Variants in DENND5B observed in about 807,000 individuals in gnomAD.
DENND5B encodes the protein DENN domain containing 5B.
Under a neutral mutation model 140.6 loss-of-function variants are expected in DENND5B, and 34 were observed. That is an observed-to-expected ratio of 0.24 (90% CI 0.18 to 0.32). The LOEUF is 0.32. Ranked by LOEUF, DENND5B falls within the 10% of genes least tolerant of loss-of-function variation. The pLI, the probability that DENND5B is intolerant of heterozygous loss-of-function variation, is 1.00. For synonymous variants in DENND5B, 551 were observed against 562.1 expected, an observed-to-expected ratio of 0.98 and a Z score of 0.28; for missense variants, 1,142 against 1,560.2, an observed-to-expected ratio of 0.73 and a Z score of 4.52.
At position 31,452,120 on chromosome 12, in the gene DENND5B, A is replaced by G; in HGVS notation, c.1449T>C (p.Asp483=). Residue 483 remains aspartate, a synonymous_variant, in exon 5 of 21, where the codon GAT becomes GAC. Coordinates refer to ENST00000389082, the MANE Select transcript of DENND5B (RefSeq NM_144973.4). ...LSASLGEKDK[D]LKLHCEEAEL... is the part of the protein sequence containing the mutation. ...CTGCCTCTTCACAATGCAGTTTTAA[A>G]TCCTTGTCTTTTTCACCCAGAGAAG... 1 of 1,613,902 alleles carries G rather than the reference A, an allele frequency of 6.2e-7. No homozygotes were observed. Among genetic ancestry groups the G allele is most frequent in the Non-Finnish European group, 8.5e-7 (1 of 1,179,872 alleles).
Position 31,399,771 on chromosome 12 carries a change from C to A in DENND5B, c.2951G>T (p.Cys984Phe), listed in dbSNP as rs1402265453. ...PKNLLEMTFE[C>F]QNLGKLTTVQ... ...AGTGGTCAGCTTCCCCAAGTTCTGG[C>A]ACTGTAGGGACAGGACCTTAGGTTA... The change falls in exon 16 of 21, where the codon TGC (cysteine) becomes TTC (phenylalanine). Residue 984 changes from cysteine to phenylalanine, a missense_variant and splice_region_variant. Cys to Phe is a radical substitution (Grantham distance 205). Around this residue, in one of 5 missense-constraint regions of DENND5B, gnomAD observed 268 missense variants for 349.2 expected, o/e 0.77. Coordinates refer to ENST00000389082, the MANE Select transcript of DENND5B (RefSeq NM_144973.4). 1.9e-6 allele frequency: 3 copies of A among 1,612,948 alleles called. No homozygotes were observed. Among genetic ancestry groups the A allele is most frequent in the Non-Finnish European group, 2.5e-6 (3 of 1,179,232 alleles).
At chr12:31,402,296 G>T (rs944732234) in intron 15 of DENND5B, among the ~76,000 whole-genome samples, 2 of 152,098 alleles carry the variant, frequency 1.3e-5, no homozygotes, top group Non-Finnish European at 2.9e-5. Flanking sequence ...GTGAAAAATA[G>T]AGCTTAACAA....
intron 17 of DENND5B, chr12:31,396,578 G>A (rs960896776): frequency 4.6e-5 from 7 of 152,490 alleles, no homozygotes; most frequent in African/African-American, 1.4e-4. Context: ...ATTGTAAGTG[G>A]AAAATGCAAT....
chr12:31,562,889 T>C (rs1949522241), intron 1 of DENND5B, among the ~76,000 whole-genome samples: 1 of 151,796 alleles, frequency 6.6e-6, no homozygotes, highest in Non-Finnish European at 1.5e-5. Flanking sequence ...AAAATGAAAC[T>C]ATTTAAGTAT....
intron 9 of DENND5B, 128 bp from the exon 10 acceptor site, chr12:31,424,815 G>A: frequency 8.2e-7 from 1 of 1,226,210 alleles, no homozygotes. Flanking sequence ...AATCACCTTG[G>A]GAAAAAAATC....
chr12:31,562,897 T>A (rs193065307), intron 1 of DENND5B, among the ~76,000 whole-genome samples: 236 of 151,156 alleles, frequency 1.6e-3, no homozygotes, highest in African/African-American at 5.4e-3. Context: ...ACTATTTAAG[T>A]ATTCATCTAT....
At chr12:31,562,612 C>T (rs1028926352) in intron 1 of DENND5B, among the ~76,000 whole-genome samples, 1 of 150,554 alleles carries the variant, frequency 6.6e-6, no homozygotes, top group Non-Finnish European at 1.5e-5. Context: ...GAAACTCTGT[C>T]TTTAAAAAAA....
intron 14 of DENND5B, among the ~76,000 whole-genome samples, chr12:31,405,367 C>T (rs912248073): frequency 7.2e-5 from 11 of 151,980 alleles, no homozygotes; most frequent in Admixed American, 7.2e-4. Context: ...GAGGTGTGCA[C>T]CACTACGCCC....
chr12:31,439,160 A>G lies in DENND5B; in HGVS notation c.2012+3615T>C, dbSNP rs188906544. ...CAATGATAATCACAATTGCTGAAAT[A>G]CTAAAGACTGCTTATTTTGTTCTGT... On this transcript the variant is annotated intron_variant, in intron 7 of 20. Coordinates refer to ENST00000389082, the MANE Select transcript of DENND5B (RefSeq NM_144973.4). 2.5e-3 allele frequency among the ~76,000 whole-genome samples: 377 copies of G among 152,372 alleles called. 4 individuals are homozygous for G. The highest frequency in any genetic ancestry group is 3.3e-3 in the Non-Finnish European group (226 of 68,042).
chr12:31,468,118 G>A lies in DENND5B; in HGVS notation c.905-7737C>T, dbSNP rs562395345. On this transcript the variant is annotated intron_variant, in intron 3 of 20. Transcript: ENST00000389082. Reference sequence around the variant, plus strand: ...AAAATTTAAAAATTGGCCAGGTGTGGTGGCATGCACCTGTAGTCCCAGCTA... The same window carrying A: ...AAAATTTAAAAATTGGCCAGGTGTGATGGCATGCACCTGTAGTCCCAGCTA... Among the ~76,000 whole-genome samples the A allele has an allele frequency of 5.3e-5, 8 of 152,204 alleles. No individual in the cohort carries two copies. The East Asian group carries it at 1.2e-3, about 22-fold the overall frequency.
In DENND5B at chr12:31,423,538, A is replaced by G. The variant is rs1593127305; in HGVS notation, c.2470+59T>C. ...AGAGAAAGAGATCAAGACAAGGCCAAATAGTATTGAGTCTTCTCAGAGTCC... is the reference window on the plus strand; with the variant it reads ...AGAGAAAGAGATCAAGACAAGGCCAGATAGTATTGAGTCTTCTCAGAGTCC... On this transcript the variant is annotated intron_variant, in intron 11 of 20. Coordinates refer to ENST00000389082, the MANE Select transcript of DENND5B (RefSeq NM_144973.4). 12 of 1,554,192 alleles carry G rather than the reference A, an allele frequency of 7.7e-6. No individual in the cohort carries two copies. In the East Asian group the frequency reaches 2.7e-4, roughly 35 times the overall value.
intron 1 of DENND5B, among the ~76,000 whole-genome samples, chr12:31,548,873 A>G (rs1948946124): frequency 6.6e-6 from 1 of 152,150 alleles, no homozygotes; most frequent in Non-Finnish European, 1.5e-5. Context: ...AACATCAATA[A>G]ACAGAGTACT....
intron 1 of DENND5B, among the ~76,000 whole-genome samples, chr12:31,528,899 T>C (rs1287140025): frequency 2.0e-5 from 3 of 151,838 alleles, no homozygotes; most frequent in Non-Finnish European, 4.4e-5. Flanking sequence ...CGGTGGCTCA[T>C]GCCTGTAATC....
intron 3 of DENND5B, chr12:31,477,748 GA>G: frequency 5.4e-6 from 1 of 185,814 alleles, no homozygotes; most frequent in Non-Finnish European, 1.3e-5. Context: ...TCCATATTGG[GA>G]AAAAGACATA....
intron 2 of DENND5B, among the ~76,000 whole-genome samples, chr12:31,493,719 T>C (rs1460485789): frequency 6.6e-6 from 1 of 151,890 alleles, no homozygotes; most frequent in African/African-American, 2.4e-5. Context: ...TAATCTCAGC[T>C]ACTCGGGAGG....
chr12:31,436,069 G>A (rs1001038325), intron 7 of DENND5B, among the ~76,000 whole-genome samples: 2 of 151,838 alleles, frequency 1.3e-5, no homozygotes, highest in African/African-American at 4.8e-5. Flanking sequence ...AAAGTGCCGG[G>A]ATTACAGGTG....
intron 7 of DENND5B, among the ~76,000 whole-genome samples, chr12:31,435,589 T>G (rs1254068582): frequency 1.3e-5 from 2 of 152,342 alleles, no homozygotes; most frequent in South Asian, 2.1e-4. Flanking sequence ...AGACTTCTAC[T>G]TATTTACGTT....
rs1197421872 is a variant in DENND5B, at chr12:31,409,201, A to G, written c.2803+62T>C. 6 of 1,472,598 alleles carry G rather than the reference A, an allele frequency of 4.1e-6. No homozygotes were observed. In the South Asian group the frequency reaches 7.1e-5, roughly 17 times the overall value. 91.2% of individuals were successfully genotyped at this position (1,472,598 alleles called of 1,614,324 possible). A position where few individuals can be genotyped will look rare whatever the true frequency, so the allele number is the denominator to read the frequency against. ...TATGGCATATCTTGCTTTAAAAAAT[A>G]TAAATGCTTTTATTGCATTGGTCAC... On this transcript the variant is annotated intron_variant, in intron 14 of 20. Transcript: ENST00000389082.
intron 8 of DENND5B, chr12:31,432,720 A>G (rs1943562692): frequency 6.5e-6 from 1 of 153,486 alleles, no homozygotes; most frequent in South Asian, 2.0e-4. Context: ...ACACTTTCAA[A>G]AATATAAAGT....
Sources: allele counts gnomAD v4.1 joint callset (sites outside exome capture counted in the v4.1 genomes callset), GRCh38; gene constraint gnomAD v4.1.1; regional missense constraint gnomAD v4.1.1; transcripts MANE v1.5; gene names NCBI Gene and HGNC (gene_info 2026-07-23, HGNC 2026-07-21).